Variants in ADRA2B observed in about 807,000 individuals in gnomAD.
The protein encoded by ADRA2B is adrenoceptor alpha 2B, also known as alpha-2B adrenergic receptor.
A neutral mutation model predicts 14.4 loss-of-function variants in ADRA2B; 14 were observed. That is an observed-to-expected ratio of 0.97 (90% CI 0.64 to 1.52). The LOEUF is 1.52. Among genes scored for constraint, ADRA2B ranks in the 40% most tolerant of loss-of-function variants. The pLI is 0.00. For synonymous variants in ADRA2B, 250 were observed against 263.7 expected (o/e 0.95, Z 0.50); for missense variants, 606 against 603.2 (o/e 1.00, Z -0.05).
At position 96,115,205 on chromosome 2, in the gene ADRA2B, C is replaced by A; in HGVS notation, c.945G>T (p.Val315=). The stretch of plus-strand genomic sequence containing the variant: ...TGCAAGCTGAGGCCGGAGACACTGG[C>A]ACTGCCTGGGGTTCACACTCTTCCT... ...EEEEECEPQA[V]PVSPASACSP... Residue 315 remains valine, a synonymous_variant, in exon 1 of 1, where the codon GTG becomes GTT. Coordinates refer to ENST00000620793, the MANE Select transcript of ADRA2B (RefSeq NM_000682.7). 6.4e-7 allele frequency: 1 copy of A among 1,563,456 alleles called. No individual in the cohort carries two copies. The highest frequency in any genetic ancestry group is 8.7e-7 in the Non-Finnish European group (1 of 1,154,178).
Position 96,115,678 on chromosome 2 carries a change from G to T in ADRA2B, c.472C>A (p.Pro158Thr). ...LIYKGDQGPQ[P>T]RGRPQCKLNQ... ...AGCTTGCACTGGGGGCGCCCGCGCG[G>T]CTGGGGGCCCTGGTCGCCCTTGTAG... The change falls in exon 1 of 1, where the codon CCG (proline) becomes ACG (threonine). Residue 158 changes from proline to threonine, a missense_variant. Physicochemically the swap from Pro to Thr is conservative, Grantham distance 38. Transcript: ENST00000620793. 1.9e-6 allele frequency: 3 copies of T among 1,613,700 alleles called. No homozygotes were observed. The highest frequency in any genetic ancestry group is 4.5e-5 in the East Asian group (2 of 44,872).
rs1159907987 is a variant in ADRA2B, at chr2:96,115,251, T to C, written c.899A>G (p.Glu300Gly). Reference protein sequence around the residue: ...GASPEDEAEEEEEEEEEEEEC... With the variant: ...GASPEDEAEEGEEEEEEEEEC... ...TTCCTCCTCCTCCTCCTCCTCTTCC[T>C]CCTCTTCAGCTTCATCCTCTGGAGA... The change falls in exon 1 of 1, where the codon GAG becomes GGG. Residue 300 changes from glutamate (E) to glycine (G), a missense_variant. Glu to Gly is a moderately conservative substitution (Grantham distance 98). Transcript: ENST00000620793. 13 of 1,354,840 alleles carry C rather than the reference T, an allele frequency of 9.6e-6. 1 individual carries two copies. In the African/African-American group the frequency reaches 1.4e-4, roughly 15 times the overall value. The allele number at this position is 1,354,840 out of a possible 1,614,324, so 83.9% of individuals were successfully genotyped here.
At position 96,115,676 on chromosome 2, in the gene ADRA2B, C is replaced by G. The variant is rs1215794925; in HGVS notation, c.474G>C (p.Pro158=). The G allele has an allele frequency of 6.2e-7, 1 of 1,613,664 alleles. No homozygotes were observed. ...TGAGCTTGCACTGGGGGCGCCCGCG[C>G]GGCTGGGGGCCCTGGTCGCCCTTGT... ...LIYKGDQGPQ[P]RGRPQCKLNQ... Residue 158 remains proline, a synonymous_variant, in exon 1 of 1, where the codon CCG becomes CCC. Coordinates refer to ENST00000620793, the MANE Select transcript of ADRA2B (RefSeq NM_000682.7).
rs1329789601 is a variant in ADRA2B, at chr2:96,116,102, C to T, written c.48G>A (p.Ala16=). 3 of 1,612,086 alleles carry T rather than the reference C, an allele frequency of 1.9e-6. No homozygotes were observed. Among genetic ancestry groups the T allele is most frequent in the Non-Finnish European group, 1.7e-6 (2 of 1,179,406 alleles). ...PYSVQATAAI[A]AAITFLILFT... is the part of the protein sequence containing the mutation. ...AGAGAATGAGGAAGGTGATGGCCGC[C>T]GCTATGGCCGCTGTGGCCTGCACGG... is the stretch of plus-strand genomic sequence containing the variant. Residue 16 remains alanine (A), a synonymous_variant, in exon 1 of 1, where the codon GCG becomes GCA. Coordinates refer to ENST00000620793, the MANE Select transcript of ADRA2B (RefSeq NM_000682.7).
At position 96,115,315 on chromosome 2, in the gene ADRA2B, T is replaced by G; in HGVS notation, c.835A>C (p.Asn279His). The change falls in exon 1 of 1, where the codon AAC becomes CAC. Residue 279 changes from asparagine to histidine, a missense_variant. Physicochemically the swap from Asn to His is moderately conservative, Grantham distance 68 (BLOSUM62 1). Transcript: ENST00000620793. ...CCCTCCTTCTGGCCCTGGCCTGAGT[T>G]GGGAAGGGCAGCCCAACTGGGTGGC... ...ALPPSWAALP[N>H]SGQGQKEGVC... The G allele has an allele frequency of 6.3e-7, 1 of 1,595,878 alleles. No individual in the cohort carries two copies. Among genetic ancestry groups the G allele is most frequent in the Non-Finnish European group, 8.5e-7 (1 of 1,170,158 alleles).
chr2:96,116,456 G>A lies in ADRA2B; in HGVS notation c.-307C>T, dbSNP rs750926082. Among the ~76,000 whole-genome samples the A allele has an allele frequency of 3.3e-5, 5 of 152,222 alleles. No individual in the cohort carries two copies. The highest frequency in any genetic ancestry group is 7.3e-5 in the Non-Finnish European group (5 of 68,038). On this transcript the variant is annotated 5_prime_UTR_variant, in exon 1 of 1. Transcript: ENST00000620793. Reference sequence around the variant, plus strand: ...GAAAGTCGCGCCCTCCCGCCACGCGGATGCCGTACGCTCTGGGGGCGCGGG... The same window carrying A: ...GAAAGTCGCGCCCTCCCGCCACGCGAATGCCGTACGCTCTGGGGGCGCGGG...
Position 96,114,716 on chromosome 2 carries a change from A to T in ADRA2B, c.*81T>A. 1.3e-6 allele frequency: 2 copies of T among 1,489,790 alleles called. No individual in the cohort carries two copies. Among genetic ancestry groups the T allele is most frequent in the South Asian group, 1.4e-5 (1 of 73,630 alleles). 92.3% of individuals were successfully genotyped at this position (1,489,790 alleles called of 1,614,324 possible). ...GGGCAGGGAGCAGAAAGCCCAGGGG[A>T]GGCAGCCACACACAGCAGGGCAAGA... is the stretch of plus-strand genomic sequence containing the variant. On this transcript the variant is annotated 3_prime_UTR_variant, in exon 1 of 1. Transcript: ENST00000620793.
chr2:96,113,440 G>C lies in ADRA2B; in HGVS notation c.*1357C>G, dbSNP rs1177085603. The C allele has an allele frequency of 3.2e-6, 1 of 309,524 alleles. No homozygotes were observed. The highest frequency in any genetic ancestry group is 5.1e-5 in the East Asian group (1 of 19,500). The allele number at this position is 309,524 out of a possible 1,614,324, so 19.2% of individuals were successfully genotyped here. On this transcript the variant is annotated 3_prime_UTR_variant, in exon 1 of 1. Coordinates refer to ENST00000620793, the MANE Select transcript of ADRA2B (RefSeq NM_000682.7). The stretch of plus-strand genomic sequence containing the variant: ...CAGTCCACAAGCACCCACCTGGGGG[G>C]ATCAGTTGTGGTTCACAAGGACTCA...
Position 96,115,637 on chromosome 2 carries a change from C to G in ADRA2B, c.513G>C (p.Trp171Cys), listed in dbSNP as rs780898618. The G allele has an allele frequency of 6.8e-6, 11 of 1,613,846 alleles. No individual in the cohort carries two copies. The East Asian group carries it at 2.5e-4, about 36-fold the overall frequency. The change falls in exon 1 of 1, where the codon TGG becomes TGC. Residue 171 changes from tryptophan to cysteine, a missense_variant. Coordinates refer to ENST00000620793, the MANE Select transcript of ADRA2B (RefSeq NM_000682.7). Reference protein sequence around the residue: ...RPQCKLNQEAWYILASSIGSF... With the variant: ...RPQCKLNQEACYILASSIGSF... ...ATCCGATGCTGGAGGCCAGGATGTA[C>G]CAGGCCTCCTGGTTGAGCTTGCACT...
chr2:96,114,735 G>A lies in ADRA2B; in HGVS notation c.*62C>T. On this transcript the variant is annotated 3_prime_UTR_variant, in exon 1 of 1. Transcript: ENST00000620793. ...CAGGGGAGGCAGCCACACACAGCAG[G>A]GCAAGAAGCAGGGTGACCCCGGCGC... 1 of 1,530,596 alleles carries A rather than the reference G, an allele frequency of 6.5e-7. No homozygotes were observed. Among genetic ancestry groups the A allele is most frequent in the Non-Finnish European group, 8.8e-7 (1 of 1,139,276 alleles). 94.8% of individuals were successfully genotyped at this position (1,530,596 alleles called of 1,614,324 possible).
In ADRA2B at chr2:96,115,935, T is replaced by C; in HGVS notation, c.215A>G (p.Asn72Ser). The C allele has an allele frequency of 6.2e-7, 1 of 1,613,760 alleles. No individual in the cohort carries two copies. The highest frequency in any genetic ancestry group is 8.5e-7 in the Non-Finnish European group (1 of 1,179,892). ...ATLIIPFSLA[N>S]ELLGYWYFRR... ...GAAGTACCAGTAGCCCAGCAGCTCG[T>C]TGGCCAGCGAGAAAGGGATGATGAG... is the stretch of plus-strand genomic sequence containing the variant. The change falls in exon 1 of 1, where the codon AAC (asparagine) becomes AGC (serine). Residue 72 changes from asparagine to serine, a missense_variant. Transcript: ENST00000620793.
In ADRA2B at chr2:96,114,787, G is replaced by T. The variant is rs528195928; in HGVS notation, c.*10C>A. On this transcript the variant is annotated 3_prime_UTR_variant, in exon 1 of 1. Coordinates refer to ENST00000620793, the MANE Select transcript of ADRA2B (RefSeq NM_000682.7). ...ACCGCACCAACCCCACAGGGGCAGC[G>T]CAGGCGGGCTCACCAGGCCGTCTGG... is the stretch of plus-strand genomic sequence containing the variant. 4.4e-6 allele frequency: 7 copies of T among 1,608,174 alleles called. No homozygotes were observed. Among genetic ancestry groups the T allele is most frequent in the Non-Finnish European group, 5.9e-6 (7 of 1,176,854 alleles).
At position 96,114,267 on chromosome 2, in the gene ADRA2B, G is replaced by A. The variant is rs1279527180; in HGVS notation, c.*530C>T. The stretch of plus-strand genomic sequence containing the variant: ...CCCATAAGCCCCCATCCCAGCGCCT[G>A]CCAGGGACCGCGAGTGCCTAGCGTG... On this transcript the variant is annotated 3_prime_UTR_variant, in exon 1 of 1. Coordinates refer to ENST00000620793, the MANE Select transcript of ADRA2B (RefSeq NM_000682.7). The A allele has an allele frequency of 4.7e-5, 46 of 988,726 alleles. No homozygotes were observed. The South Asian group carries it at 1.7e-3, about 37-fold the overall frequency. 61.2% of individuals were successfully genotyped at this position (988,726 alleles called of 1,614,324 possible).
Position 96,114,713 on chromosome 2 carries a change from G to A in ADRA2B, c.*84C>T. On this transcript the variant is annotated 3_prime_UTR_variant, in exon 1 of 1. Coordinates refer to ENST00000620793, the MANE Select transcript of ADRA2B (RefSeq NM_000682.7). ...TCTGGGCAGGGAGCAGAAAGCCCAG[G>A]GGAGGCAGCCACACACAGCAGGGCA... 2.0e-6 allele frequency: 3 copies of A among 1,487,620 alleles called. No homozygotes were observed. The highest frequency in any genetic ancestry group is 1.4e-5 in the South Asian group (1 of 73,294). The allele number at this position is 1,487,620 out of a possible 1,614,324, so 92.2% of individuals were successfully genotyped here. A position where few individuals can be genotyped will look rare whatever the true frequency, so the allele number is the denominator to read the frequency against.
chr2:96,115,978 C>T lies in ADRA2B; in HGVS notation c.172G>A (p.Asp58Asn). The T allele has an allele frequency of 1.2e-6, 2 of 1,613,598 alleles. No homozygotes were observed. The highest frequency in any genetic ancestry group is 1.1e-5 in the South Asian group (1 of 91,070). ...ATGATGAGCGTGGCCACCAGGATGT[C>T]GGCGGCGGCCAGCGACACCAGGAAC... is the stretch of plus-strand genomic sequence containing the variant. ...NLFLVSLAAA[D>N]ILVATLIIPF... Residue 58 changes from aspartate (D) to asparagine (N), a missense_variant, in exon 1 of 1, where the codon GAC (aspartate) becomes AAC (asparagine). Coordinates refer to ENST00000620793, the MANE Select transcript of ADRA2B (RefSeq NM_000682.7).
rs974211754 is a variant in ADRA2B, at chr2:96,114,464, T to G, written c.*333A>C. The G allele has an allele frequency of 5.6e-6, 6 of 1,070,318 alleles. No homozygotes were observed. Among genetic ancestry groups the G allele is most frequent in the East Asian group, 6.4e-5 (1 of 15,584 alleles). 66.3% of individuals were successfully genotyped at this position (1,070,318 alleles called of 1,614,324 possible). ...TCCTCAAGAAAGGGAAGCCCAGACATTGGTCTGGAGAGCATGGGGCTCTGG... is the reference window on the plus strand; with the variant it reads ...TCCTCAAGAAAGGGAAGCCCAGACAGTGGTCTGGAGAGCATGGGGCTCTGG... On this transcript the variant is annotated 3_prime_UTR_variant, in exon 1 of 1. Transcript: ENST00000620793.
rs1304695759 is a variant in ADRA2B, at chr2:96,113,462, C to T, written c.*1335G>A. On this transcript the variant is annotated 3_prime_UTR_variant, in exon 1 of 1. Coordinates refer to ENST00000620793, the MANE Select transcript of ADRA2B (RefSeq NM_000682.7). Reference sequence around the variant, plus strand: ...GGGGATCAGTTGTGGTTCACAAGGACTCATTTGGGGCTTGGAGACCTGGCC... The same window carrying T: ...GGGGATCAGTTGTGGTTCACAAGGATTCATTTGGGGCTTGGAGACCTGGCC... 7.3e-6 allele frequency: 2 copies of T among 273,648 alleles called. No homozygotes were observed. Among genetic ancestry groups the T allele is most frequent in the Non-Finnish European group, 1.4e-5 (2 of 147,804 alleles). 17.0% of individuals were successfully genotyped at this position (273,648 alleles called of 1,614,324 possible). A position where few individuals can be genotyped will look rare whatever the true frequency, so the allele number is the denominator to read the frequency against.
Position 96,115,408 on chromosome 2 carries a change from C to T in ADRA2B, c.742G>A (p.Gly248Arg). The T allele has an allele frequency of 3.7e-6, 6 of 1,610,184 alleles. No individual in the cohort carries two copies. The highest frequency in any genetic ancestry group is 5.1e-6 in the Non-Finnish European group (6 of 1,177,474). ...ASVASAREVNGHSKSTGEKEE... is the reference protein window; with the variant it reads ...ASVASAREVNRHSKSTGEKEE... ...TTCTCCCCAGTGGACTTCGAGTGTC[C>T]GTTGACCTCTCTGGCAGAAGCCACA... The change falls in exon 1 of 1, where the codon GGA becomes AGA. Residue 248 changes from glycine (G) to arginine (R), a missense_variant. Physicochemically the swap from Gly to Arg is moderately radical, Grantham distance 125. Transcript: ENST00000620793.
rs1210525183 is a variant in ADRA2B at position 96,114,306 on chromosome 2, CGTTTCTTCCTCCCCCTCAGCA to C, written c.*470_*490del. Reference sequence around the variant, plus strand: ...GTGCCTAGCGTGGGTGATCAGTCTTCGTTTCTTCCTCCCCCTCAGCAGCAGGCCCCACTGGGAAAAGTGGAA... The same window carrying C: ...GTGCCTAGCGTGGGTGATCAGTCTTCGCAGGCCCCACTGGGAAAAGTGGAA... On this transcript the variant is annotated 3_prime_UTR_variant, in exon 1 of 1. Transcript: ENST00000620793. The C allele has an allele frequency of 2.0e-6, 2 of 994,536 alleles. No homozygotes were observed. Among genetic ancestry groups the C allele is most frequent in the African/African-American group, 3.5e-5 (2 of 57,304 alleles). The allele number at this position is 994,536 out of a possible 1,614,324, so 61.6% of individuals were successfully genotyped here. A position where few individuals can be genotyped will look rare whatever the true frequency, so the allele number is the denominator to read the frequency against.
Sources: allele counts gnomAD v4.1 joint callset (sites outside exome capture counted in the v4.1 genomes callset), GRCh38; gene constraint gnomAD v4.1.1; transcripts MANE v1.5; gene names NCBI Gene and HGNC (gene_info 2026-07-23, HGNC 2026-07-21).